Variants in CCDC30 observed in about 807,000 individuals in gnomAD.
CCDC30 encodes the protein coiled-coil domain-containing protein 30.
In CCDC30, 70 loss-of-function variants were observed where a neutral mutation model predicts 100.2. The observed-to-expected ratio is 0.70, with a 90% CI of 0.58 to 0.85. The LOEUF (loss-of-function observed/expected upper bound fraction) is 0.85, where lower values mean the gene tolerates loss of function less well. Ranked by LOEUF, CCDC30 falls within the 40% of genes least tolerant of loss-of-function variation. The pLI is 0.00. For synonymous variants in CCDC30, 233 were observed against 269.5 expected, an observed-to-expected ratio of 0.86 and a Z score of 1.33; for missense variants, 652 against 771.2, an observed-to-expected ratio of 0.85 and a Z score of 1.83.
chr1:42,565,265 C>T (rs1645581344), intron 6 of CCDC30, among the ~76,000 whole-genome samples: 1 of 151,912 alleles, frequency 6.6e-6, no homozygotes, highest in African/African-American at 2.4e-5. Flanking sequence ...ACAGAATGGG[C>T]AAAAATATTT....
At chr1:42,498,051 A>G (rs770036069) in intron 5 of CCDC30, among the ~76,000 whole-genome samples, 7 of 152,244 alleles carry the variant, frequency 4.6e-5, no homozygotes, top group Admixed American at 1.3e-4. Flanking sequence ...GGAACAGATA[A>G]GCAAAATGTG....
At chr1:42,554,275 C>CTTTT (rs1286952607) in intron 6 of CCDC30, among the ~76,000 whole-genome samples, 7 of 131,202 alleles carry the variant, frequency 5.3e-5, no homozygotes, top group African/African-American at 1.4e-4. Flanking sequence ...TTTATGGCTT[C>CTTTT]TTTTTTTTTT....
chr1:42,554,275 C>CTTTTTTTTTTT (rs1286952607), intron 6 of CCDC30, among the ~76,000 whole-genome samples: 1 of 131,224 alleles, frequency 7.6e-6, no homozygotes, highest in African/African-American at 2.8e-5. Flanking sequence ...TTTATGGCTT[C>CTTTTTTTTTTT]TTTTTTTTTT....
chr1:42,500,038 C>G (rs1243913094), intron 6 of CCDC30, among the ~76,000 whole-genome samples: 1 of 152,184 alleles, frequency 6.6e-6, no homozygotes, highest in South Asian at 2.1e-4. Context: ...ATGGGAGAGA[C>G]AGGCACAGCC....
Position 42,537,627 on chromosome 1 carries a change from CCAGT to C in CCDC30, c.457-28666_457-28663del, listed in dbSNP as rs1300346071. 3 of 265,316 alleles carry C rather than the reference CCAGT, an allele frequency of 1.1e-5. 1 individual carries two copies. The highest frequency in any genetic ancestry group is 2.2e-5 in the Non-Finnish European group (3 of 136,432). 16.4% of individuals were successfully genotyped at this position (265,316 alleles called of 1,614,324 possible). ...CTGACTCTCAACCCAAAGTCTTCCACCAGTCAATCAGTGCACATCCTGTGTCATC... is the reference window on the plus strand; with the variant it reads ...CTGACTCTCAACCCAAAGTCTTCCACCAATCAGTGCACATCCTGTGTCATC... On this transcript the variant is annotated intron_variant, in intron 6 of 16. Transcript: ENST00000668663.
In CCDC30 at chr1:42,556,155, G is replaced by T; in HGVS notation, c.457-10141G>T. 1 of 1,605,548 alleles carries T rather than the reference G, an allele frequency of 6.2e-7. No homozygotes were observed. The highest frequency in any genetic ancestry group is 8.5e-7 in the Non-Finnish European group (1 of 1,177,882). On this transcript the variant is annotated intron_variant, in intron 6 of 16. Coordinates refer to ENST00000668663, the Ensembl canonical transcript of CCDC30. ...GATTTTATTCTTATATTTGCACCAA[G>T]TCCCAAATTAGGAGAAAGAAAGCAG...
chr1:42,656,540 A>G (rs915998351), downstream of CCDC30, among the ~76,000 whole-genome samples: 3 of 152,234 alleles, frequency 2.0e-5, no homozygotes, highest in African/African-American at 7.2e-5. Flanking sequence ...CTGAGGCTCG[A>G]GAATCACCTG....
At position 42,631,275 on chromosome 1, in the gene CCDC30, C is replaced by G. The variant is rs1406559729; in HGVS notation, c.1278-5962C>G. Among the ~76,000 whole-genome samples, 3 of 152,312 alleles carry G rather than the reference C, an allele frequency of 2.0e-5. No homozygotes were observed. The East Asian group carries it at 5.8e-4, about 29-fold the overall frequency. On this transcript the variant is annotated intron_variant, in intron 11 of 16. Coordinates refer to ENST00000668663, the Ensembl canonical transcript of CCDC30. ...TGGATGAATTCCCTGGATTACTAGG[C>G]AGAGACTCTTGTTCTCTTCCCTCTT...
intron 6 of CCDC30, among the ~76,000 whole-genome samples, chr1:42,563,341 A>C (rs1645534744): frequency 6.6e-6 from 1 of 152,130 alleles, no homozygotes; most frequent in African/African-American, 2.4e-5. Context: ...ATCCTCAGCA[A>C]ACTAACACAG....
chr1:42,586,515 G>A (rs1324336), intron 9 of CCDC30, among the ~76,000 whole-genome samples: 85,210 of 151,692 alleles, frequency 0.56, 24,219 homozygotes, highest in East Asian at 0.81. Context: ...ATGTTGCTCA[G>A]GTTGTTTTAG....
chr1:42,475,158 CAT>C (rs1194744907), intron 1 of CCDC30, among the ~76,000 whole-genome samples: 1 of 152,022 alleles, frequency 6.6e-6, no homozygotes, highest in Admixed American at 6.6e-5. Flanking sequence ...CTATGGGAAA[CAT>C]AGTGTATGAT....
intron 11 of CCDC30, among the ~76,000 whole-genome samples, chr1:42,617,103 G>A (rs1646740610): frequency 6.6e-6 from 1 of 152,016 alleles, no homozygotes; most frequent in Non-Finnish European, 1.5e-5. Flanking sequence ...GGTCATATTG[G>A]GAGTTGGGGA....
At chr1:42,496,810 A>C (rs1437274386) in intron 4 of CCDC30, among the ~76,000 whole-genome samples, 2 of 152,228 alleles carry the variant, frequency 1.3e-5, no homozygotes, top group Non-Finnish European at 2.9e-5. Context: ...TCTAGGTCCT[A>C]GAAGAACCTC....
At chr1:42,586,468 G>T (rs1298620517) in intron 9 of CCDC30, among the ~76,000 whole-genome samples, 1 of 151,808 alleles carries the variant, frequency 6.6e-6, no homozygotes, top group Non-Finnish European at 1.5e-5. Context: ...AACATGCCCA[G>T]CTAATTAAAA....
At chr1:42,533,260 A>G (rs970578252) in intron 6 of CCDC30, among the ~76,000 whole-genome samples, 1 of 152,170 alleles carries the variant, frequency 6.6e-6, no homozygotes, top group Admixed American at 6.5e-5. Context: ...AAATAAGGAA[A>G]GGAATGTGAG....
chr1:42,499,885 C>T (rs985027862), intron 6 of CCDC30, among the ~76,000 whole-genome samples: 7 of 151,914 alleles, frequency 4.6e-5, no homozygotes, highest in Non-Finnish European at 1.0e-4. Context: ...CTGATTAAAC[C>T]GCATTACAGC....
chr1:42,560,447 G>A (rs1392450435), intron 6 of CCDC30, among the ~76,000 whole-genome samples: 1 of 152,094 alleles, frequency 6.6e-6, no homozygotes, highest in African/African-American at 2.4e-5. Context: ...TTAGCTCACT[G>A]CAACCTCTGC....
intron 13 of CCDC30, 72 bp downstream of exon 17, chr1:42,642,681 C>T: frequency 7.5e-7 from 1 of 1,336,358 alleles, no homozygotes; most frequent in Non-Finnish European, 9.8e-7. Flanking sequence ...AGAGATGGTT[C>T]TAGAGACTGT....
At chr1:42,467,297 G>A (rs1347121794) in intron 1 of CCDC30, among the ~76,000 whole-genome samples, 1 of 152,226 alleles carries the variant, frequency 6.6e-6, no homozygotes, top group African/African-American at 2.4e-5. Context: ...TTGGATGAGG[G>A]CCAGCCTGGC....
Sources: gnomAD v4.1 joint callset for allele counts (sites outside exome capture counted in the v4.1 genomes callset) on GRCh38, gnomAD v4.1.1 for gene constraint, MANE v1.5 for transcripts, NCBI Gene and HGNC (gene_info 2026-07-23, HGNC 2026-07-21) for gene names.